Variants in CFAP54 observed in about 807,000 individuals in gnomAD.
CFAP54 encodes cilia- and flagella-associated protein 54.
CFAP54 carries 290 observed loss-of-function variants against 370.4 expected under a neutral mutation model. That is an observed-to-expected ratio of 0.78 (90% CI 0.71 to 0.86). The LOEUF (loss-of-function observed/expected upper bound fraction) is 0.86. Ranked by LOEUF, CFAP54 falls within the 40% of genes least tolerant of loss-of-function variation. CFAP54 has a pLI of 0.00. For missense variants in CFAP54, 3,399 were observed against 3,528.7 expected (o/e 0.96, Z 0.93); for synonymous variants, 1,206 against 1,236.5 (o/e 0.98, Z 0.52).
intron 25 of CFAP54, 140 bp downstream of exon 25, chr12:96,594,586 T>C (rs970575526): frequency 9.8e-5 from 52 of 530,838 alleles, no homozygotes; most frequent in African/African-American, 9.4e-4. Flanking sequence ...AGGAGTTAAC[T>C]GAAAAACACT....
chr12:96,612,052 G>C (rs1470777891), intron 26 of CFAP54, among the ~76,000 whole-genome samples: 11 of 152,120 alleles, frequency 7.2e-5, no homozygotes, highest in Admixed American at 7.2e-4. Flanking sequence ...ACGCCACAAA[G>C]ATACTCCTCA....
chr12:96,507,348 C>T (rs1955114216), intron 4 of CFAP54, among the ~76,000 whole-genome samples: 1 of 152,064 alleles, frequency 6.6e-6, no homozygotes, highest in African/African-American at 2.4e-5. Context: ...GTTCAAAAAG[C>T]AGGGCCGCAG....
At chr12:96,717,740 G>A (rs1243963464) in intron 48 of CFAP54, among the ~76,000 whole-genome samples, 1 of 152,194 alleles carries the variant, frequency 6.6e-6, no homozygotes, top group Non-Finnish European at 1.5e-5. Context: ...GTTCACATCA[G>A]CAGAACTGAT....
intron 67 of CFAP54, among the ~76,000 whole-genome samples, chr12:96,862,400 G>A (rs930657146): frequency 3.3e-5 from 5 of 152,136 alleles, no homozygotes; most frequent in Non-Finnish European, 7.4e-5. Flanking sequence ...CAAACTGTAA[G>A]GAGGAACTAG....
intron 19 of CFAP54, among the ~76,000 whole-genome samples, chr12:96,570,539 A>T (rs1029279701): frequency 6.6e-6 from 1 of 152,154 alleles, no homozygotes; most frequent in African/African-American, 2.4e-5. Context: ...ACAAGATAGC[A>T]TAGTGGTTAG....
At chr12:96,638,229 GTGTGTGTGTGTGTA>G (rs1956683335) in intron 32 of CFAP54, among the ~76,000 whole-genome samples, 1 of 92,600 alleles carries the variant, frequency 1.1e-5, no homozygotes, top group African/African-American at 3.8e-5. Context: ...GTGTGTGTGT[GTGTGTGTGTGTGTA>G]TATATATATA....
intron 14 of CFAP54, among the ~76,000 whole-genome samples, chr12:96,544,943 G>A (rs567814081): frequency 2.0e-5 from 3 of 149,144 alleles, no homozygotes; most frequent in African/African-American, 5.0e-5. Context: ...ACGGAGTCTC[G>A]CTCTTTTACC....
At chr12:96,585,313 A>G (rs1316861143) in intron 22 of CFAP54, among the ~76,000 whole-genome samples, 1 of 152,056 alleles carries the variant, frequency 6.6e-6, no homozygotes, top group African/African-American at 2.4e-5. Context: ...GGCGTGTGCC[A>G]CCATACCTGG....
intron 55 of CFAP54, among the ~76,000 whole-genome samples, chr12:96,752,089 A>AGAGAGAGAGAGT: frequency 1.3e-5 from 1 of 79,948 alleles, no homozygotes. Context: ...CCTGGATGAG[A>AGAGAGAGAGAGT]GAGAGAGAGA....
At chr12:96,781,774 A>G (rs919638953) in intron 60 of CFAP54, among the ~76,000 whole-genome samples, 2 of 152,140 alleles carry the variant, frequency 1.3e-5, no homozygotes, top group African/African-American at 4.8e-5. Context: ...GAGTGGTTTT[A>G]TGGCTAATAT....
At chr12:96,496,495 G>GTCCTCA (rs1565874307) in intron 1 of CFAP54, among the ~76,000 whole-genome samples, 1 of 152,196 alleles carries the variant, frequency 6.6e-6, no homozygotes, top group Non-Finnish European at 1.5e-5. Flanking sequence ...AGGCTGCTTT[G>GTCCTCA]TCCTCAAGCA....
intron 8 of CFAP54, among the ~76,000 whole-genome samples, chr12:96,524,596 A>G (rs1354201475): frequency 1.3e-5 from 2 of 152,232 alleles, no homozygotes; most frequent in Non-Finnish European, 2.9e-5. Flanking sequence ...CAGGGAGAAT[A>G]GAGAAAAACA....
chr12:96,756,675 G>T, intron 57 of CFAP54, 112 bp downstream of exon 57: 2 of 695,396 alleles, frequency 2.9e-6, no homozygotes, highest in East Asian at 2.8e-5. Context: ...TGAAAGCAGG[G>T]CTAGTTCATG....
intron 23 of CFAP54, among the ~76,000 whole-genome samples, chr12:96,591,910 AT>A (rs11285595): frequency 0.24 from 33,061 of 137,720 alleles, 4,044 homozygotes; most frequent in African/African-American, 0.31. Context: ...AAAAAGAAAT[AT>A]TTTTTTTTTT....
At chr12:96,512,956 A>G in intron 4 of CFAP54, 30 bp from the exon 5 acceptor site, 1 of 1,419,024 alleles carries the variant, frequency 7.0e-7, no homozygotes, top group Non-Finnish European at 9.4e-7. Context: ...TTGACTGTAA[A>G]ACATGTTAAC....
rs1960279617 is a variant in CFAP54 at position 96,875,252 on chromosome 12, A to G, written c.*149A>G. On this transcript the variant is annotated 3_prime_UTR_variant, in exon 68 of 68. Coordinates refer to ENST00000524981, the MANE Select transcript of CFAP54 (RefSeq NM_001306084.2). ...ATGTCTTGCTTGCACAGAAGCCTCT[A>G]GTTCAAACTTGGATCTTGCCCCATC... is the stretch of plus-strand genomic sequence containing the variant. 1 of 152,224 alleles carries G rather than the reference A, an allele frequency of 6.6e-6. No individual in the cohort carries two copies. Among genetic ancestry groups the G allele is most frequent in the Non-Finnish European group, 1.5e-5 (1 of 68,048 alleles). The allele number at this position is 152,224 out of a possible 1,614,324, so 9.4% of individuals were successfully genotyped here. A position where few individuals can be genotyped will look rare whatever the true frequency, so the allele number is the denominator to read the frequency against.
intron 66 of CFAP54, among the ~76,000 whole-genome samples, chr12:96,853,478 G>T (rs557406029): frequency 6.6e-6 from 1 of 152,078 alleles, no homozygotes; most frequent in Non-Finnish European, 1.5e-5. Context: ...GAAAGAAAGT[G>T]TATATGCAAG....
intron 58 of CFAP54, among the ~76,000 whole-genome samples, chr12:96,763,213 T>A (rs538560641): frequency 6.6e-6 from 1 of 152,246 alleles, no homozygotes; most frequent in South Asian, 2.1e-4. Context: ...ATTGACTTTC[T>A]ATGTTTAAAA....
chr12:96,655,737 C>T (rs1956914436), intron 36 of CFAP54, among the ~76,000 whole-genome samples: 2 of 151,912 alleles, frequency 1.3e-5, no homozygotes, highest in Admixed American at 1.3e-4. Flanking sequence ...AGAGACATAA[C>T]CAATTACAAT....
Sources: allele counts gnomAD v4.1 joint callset (sites outside exome capture counted in the v4.1 genomes callset), GRCh38; gene constraint gnomAD v4.1.1; transcripts MANE v1.5; gene names NCBI Gene and HGNC (gene_info 2026-07-23, HGNC 2026-07-21).